The following EPB41L2 variants were observed in gnomAD, a reference collection of about 807,000 sequenced individuals.
The protein encoded by EPB41L2 is band 4.1-like protein 2.
EPB41L2 carries 43 observed loss-of-function variants against 113.0 expected under a neutral mutation model. That is an observed-to-expected ratio of 0.38 (90% CI 0.30 to 0.49). The LOEUF (loss-of-function observed/expected upper bound fraction) is 0.49, where lower values mean the gene tolerates loss of function less well. Ranked by LOEUF, EPB41L2 falls within the 20% of genes least tolerant of loss-of-function variation. EPB41L2 has a pLI of 0.95. For synonymous variants in EPB41L2, 442 were observed against 436.7 expected, an observed-to-expected ratio of 1.01 and a Z score of -0.15; for missense variants, 1,147 against 1,223.4, an observed-to-expected ratio of 0.94 and a Z score of 0.93.
intron 18 of EPB41L2, among the ~76,000 whole-genome samples, chr6:130,859,867 T>C (rs1391577979): frequency 6.6e-6 from 1 of 152,128 alleles, no homozygotes. Context: ...GTGACCTGTG[T>C]TGGGACAATA....
chr6:130,968,652 T>C (rs558469437), intron 1 of EPB41L2, among the ~76,000 whole-genome samples: 2 of 151,746 alleles, frequency 1.3e-5, no homozygotes, highest in Non-Finnish European at 1.5e-5. Flanking sequence ...CCTGGCTTGA[T>C]AAGAGCAACT....
At chr6:130,887,794 G>A (rs1399825407) in intron 11 of EPB41L2, among the ~76,000 whole-genome samples, 2 of 152,116 alleles carry the variant, frequency 1.3e-5, no homozygotes, top group South Asian at 2.1e-4. Flanking sequence ...TAACGTCCCT[G>A]TTCATTTTAC....
chr6:131,045,719 G>A (rs184352211), intron 1 of EPB41L2, among the ~76,000 whole-genome samples: 7 of 152,152 alleles, frequency 4.6e-5, no homozygotes, highest in Admixed American at 2.6e-4. Flanking sequence ...CAGCTTACTC[G>A]GTTTCCCTAT....
At chr6:131,022,367 C>T (rs920371785) in intron 1 of EPB41L2, among the ~76,000 whole-genome samples, 29 of 152,288 alleles carry the variant, frequency 1.9e-4, no homozygotes, top group Admixed American at 5.9e-4. Flanking sequence ...CTTTCTACTA[C>T]ATTCTTTCTA....
At chr6:131,000,156 T>TA (rs200476283) in intron 1 of EPB41L2, among the ~76,000 whole-genome samples, 4,144 of 148,006 alleles carry the variant, frequency 0.028, 54 homozygotes, top group Non-Finnish European at 0.039. Flanking sequence ...AGTGGCTTTT[T>TA]AAAAAAAAAA....
In EPB41L2 at chr6:130,904,461, G is replaced by T; in HGVS notation, c.929+4C>A. The T allele has an allele frequency of 6.4e-7, 1 of 1,572,064 alleles. No homozygotes were observed. Among genetic ancestry groups the T allele is most frequent in the Non-Finnish European group, 8.7e-7 (1 of 1,149,744 alleles). ...GTTCATTTAAAAATGCAAATATAAA[G>T]TACCTGGTGATATCTTCAGTCAATT... On this transcript the variant is annotated splice_donor_region_variant and intron_variant, in intron 6 of 19. Transcript: ENST00000337057.
chr6:131,024,378 G>C lies in EPB41L2; in HGVS notation c.-15+38777C>G, dbSNP rs186427290. The stretch of plus-strand genomic sequence containing the variant: ...AGGAAAGAGGTGTGTTCAGTATAAG[G>C]GGTCTTGTATCCAGGCCAAGGAAGA... On this transcript the variant is annotated intron_variant, in intron 1 of 19. Transcript: ENST00000337057. Among the ~76,000 whole-genome samples the C allele has an allele frequency of 1.1e-4, 17 of 152,146 alleles. No individual in the cohort carries two copies. The East Asian group carries it at 2.9e-3, about 26-fold the overall frequency.
intron 19 of EPB41L2, among the ~76,000 whole-genome samples, chr6:130,849,376 T>C (rs546979077): frequency 6.6e-6 from 1 of 152,216 alleles, no homozygotes; most frequent in Non-Finnish European, 1.5e-5. Context: ...AAGCGGTCAG[T>C]TCTGTCTTGC....
At chr6:130,842,546 A>C (rs1381458966) in intron 19 of EPB41L2, among the ~76,000 whole-genome samples, 1 of 152,144 alleles carries the variant, frequency 6.6e-6, no homozygotes, top group Non-Finnish European at 1.5e-5. Flanking sequence ...TATTAAAAAA[A>C]CAAACCCCTG....
chr6:130,927,680 A>G (rs1805229346), intron 3 of EPB41L2, among the ~76,000 whole-genome samples: 1 of 152,236 alleles, frequency 6.6e-6, no homozygotes, highest in Non-Finnish European at 1.5e-5. Context: ...CTTGAGGAGG[A>G]GAATCTGGTA....
chr6:131,008,954 T>C (rs975709407), intron 1 of EPB41L2, among the ~76,000 whole-genome samples: 10 of 152,288 alleles, frequency 6.6e-5, no homozygotes, highest in African/African-American at 2.4e-4. Context: ...AGATAAGACT[T>C]TGGACTTGGA....
At chr6:130,909,453 C>A (rs1050719237) in intron 4 of EPB41L2, among the ~76,000 whole-genome samples, 1 of 152,096 alleles carries the variant, frequency 6.6e-6, no homozygotes, top group African/African-American at 2.4e-5. Context: ...TCTTCTTAAC[C>A]TCATTCTAAG....
In EPB41L2 at chr6:130,926,700, T is replaced by G. The variant is rs1562504304; in HGVS notation, c.715A>C (p.Lys239Gln). The G allele has an allele frequency of 1.3e-6, 2 of 1,596,240 alleles. No homozygotes were observed. The highest frequency in any genetic ancestry group is 1.8e-5 in the Admixed American group (1 of 55,124). Reference sequence around the variant, plus strand: ...ACTTTGTCAAATAACACTTGTCCCTTGGCATGTTTCTGGAGAAAAAATAAT... The same window carrying G: ...ACTTTGTCAAATAACACTTGTCCCTGGGCATGTTTCTGGAGAAAAAATAAT... ...EYSCDLEKHA[K>Q]GQVLFDKVCE... The change falls in exon 4 of 20, where the codon AAG (lysine) becomes CAG (glutamine). Residue 239 changes from lysine (K) to glutamine (Q), a missense_variant. Physicochemically the swap from Lys to Gln is moderately conservative, Grantham distance 53. Transcript: ENST00000337057.
chr6:130,892,447 T>C (rs2128483431), intron 10 of EPB41L2, among the ~76,000 whole-genome samples: 1 of 147,728 alleles, frequency 6.8e-6, no homozygotes, highest in East Asian at 1.9e-4. Context: ...GGGAAAGCTG[T>C]TGTCTGCCCA....
At chr6:130,895,388 A>G (rs1794335355) in intron 8 of EPB41L2, among the ~76,000 whole-genome samples, 1 of 152,214 alleles carries the variant, frequency 6.6e-6, no homozygotes, top group Admixed American at 6.5e-5. Flanking sequence ...CGTAATGCAT[A>G]TGTTCTCAAG....
chr6:130,933,966 G>C, intron 3 of EPB41L2, among the ~76,000 whole-genome samples: 1 of 152,124 alleles, frequency 6.6e-6, no homozygotes, highest in East Asian at 1.9e-4. Context: ...GATGGGAAGC[G>C]CACAATGCAA....
At chr6:130,942,919 C>T (rs1811376835) in intron 3 of EPB41L2, among the ~76,000 whole-genome samples, 1 of 152,208 alleles carries the variant, frequency 6.6e-6, no homozygotes, top group Non-Finnish European at 1.5e-5. Flanking sequence ...CTGCAAAGGA[C>T]ACGAACTGAT....
chr6:130,901,185 G>A lies in EPB41L2; in HGVS notation c.930-5C>T. ...AGCTGAAGGCACAAGAAGTATCTGT[G>A]AGGAGCAGAGGGAGAAATGGGTCAG... On this transcript the variant is annotated splice_polypyrimidine_tract_variant and splice_region_variant and intron_variant, in intron 6 of 19. Coordinates refer to ENST00000337057, the MANE Select transcript of EPB41L2 (RefSeq NM_001431.4). The A allele has an allele frequency of 6.2e-7, 1 of 1,612,584 alleles. No homozygotes were observed. Among genetic ancestry groups the A allele is most frequent in the Non-Finnish European group, 8.5e-7 (1 of 1,179,784 alleles).
rs148858571 is a variant in EPB41L2 at position 130,960,228 on chromosome 6, CCA to C, written c.-14-3731_-14-3730del. 1.5e-3 allele frequency among the ~76,000 whole-genome samples: 234 copies of C among 152,316 alleles called. 4 individuals carry two copies. Among genetic ancestry groups the C allele is most frequent in the Admixed American group, 0.012 (181 of 15,306 alleles). ...CATTATGCACGAATGACCTACTCAA[CCA>C]CAGAGTCCTTGGCCTAGTACTCAAA... On this transcript the variant is annotated intron_variant, in intron 1 of 19. Transcript: ENST00000337057.
Sources: gnomAD v4.1 joint callset for allele counts (sites outside exome capture counted in the v4.1 genomes callset) on GRCh38, gnomAD v4.1.1 for gene constraint, MANE v1.5 for transcripts, NCBI Gene and HGNC (gene_info 2026-07-23, HGNC 2026-07-21) for gene names.